The following ZNF568 variants were observed in gnomAD, a reference collection of about 807,000 sequenced individuals.
ZNF568 encodes p53 inhibitor of SCO2 activation.
In ZNF568, 11 loss-of-function variants were observed where a neutral mutation model predicts 18.1. That is an observed-to-expected ratio of 0.61 (90% confidence interval 0.38 to 1.00). The LOEUF is 1.00. Ranked by LOEUF, ZNF568 falls within the 50% of genes least tolerant of loss-of-function variation. The probability of loss-of-function intolerance (pLI) is 0.01; values close to 1 mark genes in which losing one functional copy is unlikely to be tolerated. For synonymous variants in ZNF568, 213 were observed against 246.6 expected (o/e 0.86, Z 1.28); for missense variants, 639 against 768.2 (o/e 0.83, Z 1.99).
rs1568381555 is a variant in ZNF568 at position 36,927,893 on chromosome 19, ATATATATATATTTTTTTTTTTTTTTTTT to A, written c.135+2637_135+2664del. On this transcript the variant is annotated intron_variant, in intron 4 of 6. Coordinates refer to ENST00000333987, the MANE Select transcript of ZNF568 (RefSeq NM_198539.4). The stretch of plus-strand genomic sequence containing the variant: ...ATATATATATATATATATATTATAT[ATATATATATATTTTTTTTTTTTTTTTTT>A]TTTTTTTTTTGGTGATGAAGTCTTG... Among the ~76,000 whole-genome samples the A allele has an allele frequency of 9.0e-3, 227 of 25,302 alleles. 5 individuals are homozygous for A. Among genetic ancestry groups the A allele is most frequent in the Middle Eastern group, 0.039 (3 of 76 alleles). 16.6% of individuals were successfully genotyped at this position (25,302 alleles called of 152,430 possible). A position where few individuals can be genotyped will look rare whatever the true frequency, so the allele number is the denominator to read the frequency against.
Position 36,951,014 on chromosome 19 carries a change from A to G in ZNF568, c.1861A>G (p.Lys621Glu), listed in dbSNP as rs762607778. The G allele has an allele frequency of 6.2e-7, 1 of 1,612,356 alleles. No individual in the cohort carries two copies. Among genetic ancestry groups the G allele is most frequent in the Non-Finnish European group, 8.5e-7 (1 of 1,179,304 alleles). Residue 621 changes from lysine (K) to glutamate (E), a missense_variant, in exon 7 of 7, where the codon AAA becomes GAA. Transcript: ENST00000333987. ...EKPFECNECG[K>E]AFSQRASLSI... ...ACCCTTTGAATGTAATGAATGTGGG[A>G]AAGCATTCTCTCAAAGAGCATCCCT...
At chr19:36,960,363 C>G (rs767248037) in intron 6 of ZNF568, among the ~76,000 whole-genome samples, 3 of 151,926 alleles carry the variant, frequency 2.0e-5, no homozygotes, top group Non-Finnish European at 2.9e-5. Context: ...GGTGATCCAC[C>G]CGCCTCGGCC....
At chr19:36,944,173 C>T (rs141379922) in intron 6 of ZNF568, among the ~76,000 whole-genome samples, 4,083 of 151,830 alleles carry the variant, frequency 0.027, 70 homozygotes, top group South Asian at 0.053. Context: ...TTGAAGCAGG[C>T]GAATCACCTG....
At chr19:36,959,819 CTT>C (rs2074134469) in intron 6 of ZNF568, among the ~76,000 whole-genome samples, 1 of 152,062 alleles carries the variant, frequency 6.6e-6, no homozygotes, top group Admixed American at 6.6e-5. Flanking sequence ...CTGACACTCT[CTT>C]GTATTTCTGT....
At chr19:36,982,469 C>G (rs1471524652), downstream of ZNF568, among the ~76,000 whole-genome samples, 1 of 152,082 alleles carries the variant, frequency 6.6e-6, no homozygotes, top group South Asian at 2.1e-4. Flanking sequence ...GAGGCTTAGT[C>G]GAGCAGATCA....
At chr19:36,929,684 C>CAA (rs35496094) in intron 4 of ZNF568, among the ~76,000 whole-genome samples, 5 of 114,560 alleles carry the variant, frequency 4.4e-5, no homozygotes, top group Admixed American at 2.7e-4. Context: ...GACTCCGTCT[C>CAA]AAAAAAAAAA....
At chr19:36,934,750 C>T (rs1010937613) in intron 4 of ZNF568, among the ~76,000 whole-genome samples, 1 of 152,142 alleles carries the variant, frequency 6.6e-6, no homozygotes, top group African/African-American at 2.4e-5. Context: ...GTTGCACCCT[C>T]ATTTTCTTTT....
In ZNF568 at chr19:36,950,495, T is replaced by C. The variant is rs370172974; in HGVS notation, c.1342T>C (p.Cys448Arg). ...TCATACAGCTGAGAAACCCTATGAA[T>C]GTAAGGAATGTGGAAAAGCCTTCAG... is the stretch of plus-strand genomic sequence containing the variant. ...RNHTAEKPYE[C>R]KECGKAFSRK... Residue 448 changes from cysteine to arginine, a missense_variant, in exon 7 of 7, where the codon TGT (cysteine) becomes CGT (arginine). By Grantham distance (180) the Cys-to-Arg change is radical. Transcript: ENST00000333987. 11 of 1,613,560 alleles carry C rather than the reference T, an allele frequency of 6.8e-6. No individual in the cohort carries two copies. The African/African-American group carries it at 1.5e-4, about 22-fold the overall frequency.
intron 4 of ZNF568, among the ~76,000 whole-genome samples, chr19:36,995,462 T>C (rs1009762715): frequency 3.9e-5 from 6 of 152,206 alleles, no homozygotes; most frequent in African/African-American, 1.4e-4. Context: ...TGGATCACTT[T>C]TTTTTAATCC....
intron 6 of ZNF568, among the ~76,000 whole-genome samples, chr19:36,961,217 G>A (rs2074146562): frequency 6.7e-6 from 1 of 150,374 alleles, no homozygotes; most frequent in African/African-American, 2.4e-5. Context: ...TATATATTTA[G>A]AATTGTTATA....
intron 4 of ZNF568, among the ~76,000 whole-genome samples, chr19:36,926,941 G>A (rs1317388759): frequency 1.3e-5 from 2 of 152,172 alleles, no homozygotes; most frequent in Non-Finnish European, 2.9e-5. Flanking sequence ...ATACTGTACA[G>A]ATGGAGGCTC....
chr19:36,917,454 A>G (rs2073363140), intron 1 of ZNF568, 125 bp from the exon 2 acceptor site: 1 of 152,002 alleles, frequency 6.6e-6, no homozygotes, highest in Non-Finnish European at 1.5e-5. Flanking sequence ...TAAGAAACAT[A>G]CCTCTTTATC....
chr19:36,935,028 G>A (rs983856134), intron 4 of ZNF568, among the ~76,000 whole-genome samples: 2 of 151,488 alleles, frequency 1.3e-5, no homozygotes, highest in African/African-American at 4.9e-5. Context: ...GTTCACTATA[G>A]CCTTAACCTC....
Position 36,924,312 on chromosome 19 carries a change from G to A in ZNF568, c.77-888G>A, listed in dbSNP as rs566432016. 3.7e-4 allele frequency among the ~76,000 whole-genome samples: 56 copies of A among 151,534 alleles called. 1 individual carries two copies. In the South Asian group the frequency reaches 9.0e-3, roughly 24 times the overall value. ...CGGCTCACTGCAACCTGCACTTTCC[G>A]GGTTCAAGCGATTCTCCTGCCTCAG... On this transcript the variant is annotated intron_variant, in intron 3 of 6. Coordinates refer to ENST00000333987, the MANE Select transcript of ZNF568 (RefSeq NM_198539.4).
At chr19:36,966,769 T>C (rs1021773173) in intron 6 of ZNF568, among the ~76,000 whole-genome samples, 12 of 152,344 alleles carry the variant, frequency 7.9e-5, no homozygotes, top group South Asian at 2.1e-4. Flanking sequence ...GAGGTGTGTA[T>C]GTGAGAATAT....
chr19:36,963,453 A>C (rs2074170419), intron 6 of ZNF568, among the ~76,000 whole-genome samples: 2 of 152,224 alleles, frequency 1.3e-5, no homozygotes, highest in South Asian at 4.1e-4. Flanking sequence ...CTCCTGGGGC[A>C]TAATTAATGA....
chr19:36,940,693 A>G (rs996464961), intron 6 of ZNF568, among the ~76,000 whole-genome samples: 1 of 152,224 alleles, frequency 6.6e-6, no homozygotes, highest in African/African-American at 2.4e-5. Flanking sequence ...TATTTAGTAA[A>G]TGAGTAAACC....
intron 6 of ZNF568, among the ~76,000 whole-genome samples, chr19:36,939,642 C>G (rs556089105): frequency 1.4e-5 from 2 of 140,888 alleles, no homozygotes; most frequent in African/African-American, 2.7e-5. Flanking sequence ...TGGGTTTAAG[C>G]GATTCTTCTG....
intron 6 of ZNF568, among the ~76,000 whole-genome samples, chr19:36,961,317 T>C (rs2074148083): frequency 6.6e-6 from 1 of 151,568 alleles, no homozygotes; most frequent in Admixed American, 6.6e-5. Flanking sequence ...AAAAACTCTT[T>C]AATCTATTAG....
Sources: gnomAD v4.1 joint callset for allele counts (sites outside exome capture counted in the v4.1 genomes callset) on GRCh38, gnomAD v4.1.1 for gene constraint, MANE v1.5 for transcripts, NCBI Gene and HGNC (gene_info 2026-07-23, HGNC 2026-07-21) for gene names.